The following ANKS1B variants were observed in gnomAD, a reference collection of about 807,000 sequenced individuals.
ANKS1B encodes the protein ankyrin repeat and sterile alpha motif domain-containing protein 1B.
In ANKS1B, 36 loss-of-function variants were observed where a neutral mutation model predicts 148.3. The observed-to-expected ratio is 0.24, with a 90% CI of 0.19 to 0.32. The LOEUF is 0.32. ANKS1B is among the 10% of genes least tolerant of loss of function. ANKS1B has a pLI of 1.00. For missense variants in ANKS1B, 1,157 were observed against 1,542.6 expected (o/e 0.75, Z 4.19); for synonymous variants, 542 against 560.8 (o/e 0.97, Z 0.47).
chr12:99,308,927 C>T (rs2082735803), intron 12 of ANKS1B, among the ~76,000 whole-genome samples: 1 of 149,028 alleles, frequency 6.7e-6, no homozygotes, highest in Non-Finnish European at 1.5e-5. Context: ...CTATATATAA[C>T]ATATATGTTA....
chr12:99,974,403 A>G (rs1235283122), intron 1 of ANKS1B, among the ~76,000 whole-genome samples: 2 of 152,210 alleles, frequency 1.3e-5, no homozygotes, highest in Non-Finnish European at 2.9e-5. Flanking sequence ...CATCTAAGTA[A>G]TAACGTCTGA....
intron 1 of ANKS1B, among the ~76,000 whole-genome samples, chr12:99,849,395 A>G (rs1282593852): frequency 6.6e-6 from 1 of 152,158 alleles, no homozygotes; most frequent in African/African-American, 2.4e-5. Context: ...TCAAAGACAG[A>G]TGAAACCAAA....
intron 8 of ANKS1B, among the ~76,000 whole-genome samples, chr12:99,769,385 T>C (rs2062982671): frequency 1.3e-5 from 2 of 152,190 alleles, no homozygotes; most frequent in South Asian, 2.1e-4. Flanking sequence ...TTTTAGAGCC[T>C]CTCTAGGTAA....
chr12:99,203,358 T>G (rs1024580596), intron 14 of ANKS1B, among the ~76,000 whole-genome samples: 2 of 152,176 alleles, frequency 1.3e-5, no homozygotes, highest in African/African-American at 4.8e-5. Context: ...CTGACATCTA[T>G]TGAAGTCTTT....
intron 11 of ANKS1B, among the ~76,000 whole-genome samples, chr12:99,425,713 T>C (rs1351964264): frequency 6.6e-6 from 1 of 151,946 alleles, no homozygotes; most frequent in Non-Finnish European, 1.5e-5. Flanking sequence ...ATTATTATTC[T>C]TTTTCTTTCT....
At chr12:99,771,527 A>G (rs2063193794) in intron 8 of ANKS1B, among the ~76,000 whole-genome samples, 1 of 152,098 alleles carries the variant, frequency 6.6e-6, no homozygotes, top group Non-Finnish European at 1.5e-5. Flanking sequence ...ACTTTCAAGG[A>G]AATATTAAAA....
chr12:99,033,587 C>A (rs111804942), intron 17 of ANKS1B, among the ~76,000 whole-genome samples: 2,070 of 152,040 alleles, frequency 0.014, 42 homozygotes, highest in African/African-American at 0.047. Flanking sequence ...TCACTTGAAC[C>A]CAGGAGGCAG....
chr12:99,014,906 T>C (rs1245917976), intron 17 of ANKS1B, among the ~76,000 whole-genome samples: 1 of 152,204 alleles, frequency 6.6e-6, no homozygotes, highest in Non-Finnish European at 1.5e-5. Context: ...GGAACACTTA[T>C]ACACCGTTGG....
At chr12:99,462,064 T>C (rs1162502791) in intron 10 of ANKS1B, among the ~76,000 whole-genome samples, 1 of 152,232 alleles carries the variant, frequency 6.6e-6, no homozygotes, top group Non-Finnish European at 1.5e-5. Context: ...TGCCAGTAAC[T>C]ACATTCACTC....
chr12:99,181,059 A>T (rs2079054908), intron 14 of ANKS1B, among the ~76,000 whole-genome samples: 1 of 152,136 alleles, frequency 6.6e-6, no homozygotes, highest in Non-Finnish European at 1.5e-5. Flanking sequence ...ATGACTATCC[A>T]TTCTTCATCA....
intron 14 of ANKS1B, among the ~76,000 whole-genome samples, chr12:99,209,067 T>C (rs2083021843): frequency 6.6e-6 from 1 of 152,192 alleles, no homozygotes; most frequent in African/African-American, 2.4e-5. Context: ...AAGCATTGAC[T>C]GGGATGTCAT....
intron 9 of ANKS1B, among the ~76,000 whole-genome samples, chr12:98,738,842 T>C (rs1197936268): frequency 6.6e-6 from 1 of 152,310 alleles, no homozygotes; most frequent in African/African-American, 2.4e-5. Flanking sequence ...TGTTCTTATA[T>C]TCACCTTCAA....
chr12:98,962,196 AC>A (rs2099872587), intron 17 of ANKS1B, among the ~76,000 whole-genome samples: 1 of 151,740 alleles, frequency 6.6e-6, no homozygotes, highest in Admixed American at 6.6e-5. Context: ...AACCCGCTTC[AC>A]CTATAAAGAC....
chr12:99,591,273 A>G (rs1473497600), intron 9 of ANKS1B, among the ~76,000 whole-genome samples: 4 of 152,012 alleles, frequency 2.6e-5, no homozygotes, highest in African/African-American at 9.7e-5. Context: ...AATACTTCAT[A>G]CCGAATTAGA....
chr12:99,390,563 G>C (rs1490781237), intron 12 of ANKS1B, among the ~76,000 whole-genome samples: 1 of 152,162 alleles, frequency 6.6e-6, no homozygotes. Context: ...TCCTTTCTGG[G>C]CACTGGCCTC....
chr12:99,170,417 T>C (rs750053702), intron 14 of ANKS1B, among the ~76,000 whole-genome samples: 2 of 152,208 alleles, frequency 1.3e-5, no homozygotes, highest in Non-Finnish European at 2.9e-5. Flanking sequence ...GGGGGCTTAG[T>C]TGTTCTTTGG....
intron 16 of ANKS1B, among the ~76,000 whole-genome samples, chr12:99,082,397 G>A (rs2888378): frequency 0.58 from 87,490 of 151,932 alleles, 25,806 homozygotes; most frequent in East Asian, 0.75. Context: ...AGTGTATGAA[G>A]TTCTGAAGGA....
chr12:99,586,667 A>T (rs2153232180), intron 9 of ANKS1B, among the ~76,000 whole-genome samples: 1 of 152,284 alleles, frequency 6.6e-6, no homozygotes, highest in South Asian at 2.1e-4. Flanking sequence ...GGCATACTCG[A>T]GGCTGGGTAA....
chr12:99,670,042 C>T (rs1313543430), intron 8 of ANKS1B, among the ~76,000 whole-genome samples: 1 of 152,100 alleles, frequency 6.6e-6, no homozygotes, highest in East Asian at 1.9e-4. Context: ...GAAGGAGCCA[C>T]TCCATACCCT....
Sources: gnomAD v4.1 joint callset for allele counts (sites outside exome capture counted in the v4.1 genomes callset) on GRCh38, gnomAD v4.1.1 for gene constraint, MANE v1.5 for transcripts, NCBI Gene and HGNC (gene_info 2026-07-23, HGNC 2026-07-21) for gene names.